Variants in ENOX2 observed in about 807,000 individuals in gnomAD.
ENOX2 encodes ecto-NOX disulfide-thiol exchanger 2, also known as APK1 antigen.
In ENOX2, 36 loss-of-function variants were observed where a neutral mutation model predicts 45.0. The ratio of observed to expected loss-of-function variants is 0.80; its 90% CI spans 0.61 to 1.06. The LOEUF is 1.06. ENOX2 is among the 50% of genes least tolerant of loss of function. ENOX2 has a pLI of 0.00. For synonymous variants in ENOX2, 174 were observed against 152.3 expected (o/e 1.14, Z -1.05); for missense variants, 423 against 462.5 (o/e 0.91, Z 0.78).
At chrX:130,669,112 G>T (rs955912747) in intron 7 of ENOX2, among the ~76,000 whole-genome samples, 3 of 112,209 alleles carry the variant, frequency 2.7e-5, no homozygotes, top group Non-Finnish European at 5.6e-5. Flanking sequence ...AGTAGGGTTA[G>T]CAGTATCTTG....
At chrX:130,632,380 T>C (rs1456969631) in intron 12 of ENOX2, among the ~76,000 whole-genome samples, 1 of 43,007 alleles carries the variant, frequency 2.3e-5, no homozygotes, top group Non-Finnish European at 4.1e-5. Flanking sequence ...GGGGGGGTGG[T>C]CCTAAGAGAA....
intron 10 of ENOX2, among the ~76,000 whole-genome samples, chrX:130,651,576 A>G (rs1219987395): frequency 8.9e-6 from 1 of 111,827 alleles, no homozygotes; most frequent in East Asian, 2.8e-4. Context: ...CCTGGGCCAC[A>G]GAGAACTCTT....
chrX:130,748,119 C>T (rs905649591), intron 3 of ENOX2, among the ~76,000 whole-genome samples: 1 of 112,111 alleles, frequency 8.9e-6, no homozygotes, highest in African/African-American at 3.2e-5. Flanking sequence ...ACATTCAGTA[C>T]ATCCTGATTT....
At chrX:130,897,433 G>A (rs1022227474) in intron 2 of ENOX2, among the ~76,000 whole-genome samples, 7 of 112,004 alleles carry the variant, frequency 6.2e-5, no homozygotes, top group African/African-American at 2.3e-4. Flanking sequence ...ACAGAGTTAT[G>A]GCAGGAGGTT....
In ENOX2 at chrX:130,637,198, C is replaced by T. The variant is rs1473221098; in HGVS notation, c.1311+31G>A. 7.6e-6 allele frequency: 9 copies of T among 1,179,390 alleles called. No homozygotes were observed. The South Asian group carries it at 1.6e-4, about 21-fold the overall frequency. On this transcript the variant is annotated intron_variant, in intron 11 of 14. Transcript: ENST00000394363. ...AGGTGAGAAGCTGATGCTATTCTAC[C>T]CAGAAGCTCAGAAAACCAAAATGCC...
At chrX:130,754,878 C>T (rs1465116532) in intron 3 of ENOX2, among the ~76,000 whole-genome samples, 1 of 111,699 alleles carries the variant, frequency 9.0e-6, no homozygotes, top group Non-Finnish European at 1.9e-5. Context: ...TGTACCTGTA[C>T]CCTTGAATCT....
Position 130,668,253 on chromosome X carries a change from C to T in ENOX2, c.695-511G>A, listed in dbSNP as rs774335364. Among the ~76,000 whole-genome samples the T allele has an allele frequency of 5.4e-5, 6 of 110,870 alleles. No homozygotes were observed. The East Asian group carries it at 1.7e-3, about 32-fold the overall frequency. On this transcript the variant is annotated intron_variant, in intron 7 of 14. Transcript: ENST00000394363. ...ATTTAACAGTAACTTTACCTTGGAT[C>T]CATGGAATTACAGTGTTGGGAGGAG...
chrX:130,825,625 A>G (rs2077705528), intron 2 of ENOX2, among the ~76,000 whole-genome samples: 1 of 111,950 alleles, frequency 8.9e-6, no homozygotes, highest in South Asian at 3.8e-4. Flanking sequence ...TTCCAGAAAT[A>G]AACAATTCCT....
chrX:130,874,104 C>G (rs1171718917), intron 2 of ENOX2, among the ~76,000 whole-genome samples: 1 of 111,727 alleles, frequency 9.0e-6, no homozygotes, highest in Non-Finnish European at 1.9e-5. Context: ...ACATACAGTA[C>G]CAGCTTTCTA....
intron 2 of ENOX2, among the ~76,000 whole-genome samples, chrX:130,876,959 G>C (rs1270307250): frequency 1.8e-5 from 2 of 112,045 alleles, no homozygotes; most frequent in East Asian, 5.6e-4. Flanking sequence ...TGAGGATGGA[G>C]TAGATATAGG....
intron 3 of ENOX2, among the ~76,000 whole-genome samples, chrX:130,730,519 C>A (rs958293849): frequency 1.8e-5 from 2 of 112,116 alleles, no homozygotes; most frequent in East Asian, 5.6e-4. Flanking sequence ...TTAAGATGGG[C>A]CTGTAAATCA....
chrX:130,833,932 T>C (rs1036481285), intron 2 of ENOX2, among the ~76,000 whole-genome samples: 1 of 111,693 alleles, frequency 9.0e-6, no homozygotes, highest in African/African-American at 3.2e-5. Context: ...ACTGAGCACC[T>C]ACTATGGCCA....
At chrX:130,792,510 T>G (rs2077058445) in intron 2 of ENOX2, among the ~76,000 whole-genome samples, 1 of 112,548 alleles carries the variant, frequency 8.9e-6, no homozygotes, top group Non-Finnish European at 1.9e-5. Flanking sequence ...AATGAAAAGT[T>G]CAGGCCGGGC....
chrX:130,764,659 C>A (rs1314300737), intron 3 of ENOX2, among the ~76,000 whole-genome samples: 2 of 111,060 alleles, frequency 1.8e-5, no homozygotes, highest in Admixed American at 1.9e-4. Flanking sequence ...ACAACTGATT[C>A]ATCATACACC....
chrX:130,779,415 G>A (rs2039924909), intron 3 of ENOX2, among the ~76,000 whole-genome samples: 1 of 111,915 alleles, frequency 8.9e-6, no homozygotes, highest in African/African-American at 3.2e-5. Context: ...GTTGAGGCAG[G>A]ACATTTAAAC....
chrX:130,794,732 G>T (rs1046916093), intron 2 of ENOX2, among the ~76,000 whole-genome samples: 2 of 112,291 alleles, frequency 1.8e-5, no homozygotes, highest in African/African-American at 6.5e-5. Context: ...AATGCTAGAA[G>T]GATACTGGTA....
chrX:130,822,014 G>A (rs2077622610), intron 2 of ENOX2, among the ~76,000 whole-genome samples: 2 of 98,939 alleles, frequency 2.0e-5, no homozygotes, highest in Non-Finnish European at 4.0e-5. Context: ...GTTGCAGTGA[G>A]CCGAGATCGC....
At chrX:130,736,419 T>C (rs1417047518) in intron 3 of ENOX2, among the ~76,000 whole-genome samples, 3 of 111,520 alleles carry the variant, frequency 2.7e-5, no homozygotes, top group Admixed American at 9.5e-5. Context: ...TTACTTGAAA[T>C]TGTAATCCAA....
intron 2 of ENOX2, among the ~76,000 whole-genome samples, chrX:130,836,349 G>A (rs2077926401): frequency 9.0e-6 from 1 of 111,205 alleles, no homozygotes; most frequent in Admixed American, 9.5e-5. Flanking sequence ...TGAGCATCTG[G>A]GAAAAATGTC....
Sources: allele counts gnomAD v4.1 joint callset (sites outside exome capture counted in the v4.1 genomes callset), GRCh38; gene constraint gnomAD v4.1.1; transcripts MANE v1.5; gene names NCBI Gene and HGNC (gene_info 2026-07-23, HGNC 2026-07-21).